Variants in AEBP2 observed in about 807,000 individuals in gnomAD.
AEBP2 encodes the protein AE binding protein 2, also known as zinc finger protein AEBP2.
In AEBP2, 10 loss-of-function variants were observed where a neutral mutation model predicts 50.8. The observed-to-expected ratio is 0.20, with a 90% CI of 0.12 to 0.33. The LOEUF (loss-of-function observed/expected upper bound fraction) is 0.33, where lower values mean the gene tolerates loss of function less well. Among genes scored for constraint, AEBP2 ranks in the 10% least tolerant of loss-of-function variants. AEBP2 has a pLI of 1.00. For missense variants in AEBP2, 570 were observed against 688.0 expected (o/e 0.83, Z 1.92); for synonymous variants, 296 against 261.3 (o/e 1.13, Z -1.28).
intron 1 of AEBP2, among the ~76,000 whole-genome samples, chr12:19,448,686 T>C (rs1948116528): frequency 1.3e-5 from 2 of 152,164 alleles, no homozygotes; most frequent in African/African-American, 4.8e-5. Context: ...TTTTTTGTTT[T>C]GTTTGTACTT....
At chr12:19,427,470 G>A (rs1214751725) in intron 1 of AEBP2, among the ~76,000 whole-genome samples, 1 of 151,002 alleles carries the variant, frequency 6.6e-6, no homozygotes, top group Non-Finnish European at 1.5e-5. Context: ...TGAAACTTCT[G>A]GTTTAGACTC....
chr12:19,458,909 A>G (rs1453782429), intron 1 of AEBP2, among the ~76,000 whole-genome samples: 1 of 152,144 alleles, frequency 6.6e-6, no homozygotes, highest in Admixed American at 6.5e-5. Flanking sequence ...GCCCTTGGAG[A>G]CTAGCTATGT....
chr12:19,428,269 T>G (rs2095749590), intron 1 of AEBP2, among the ~76,000 whole-genome samples: 1 of 152,082 alleles, frequency 6.6e-6, no homozygotes, highest in South Asian at 2.1e-4. Context: ...GATAAAAGAT[T>G]TCTTTCTCCC....
chr12:19,444,743 C>A (rs1420014815), intron 1 of AEBP2, among the ~76,000 whole-genome samples: 2 of 152,204 alleles, frequency 1.3e-5, no homozygotes, highest in Non-Finnish European at 2.9e-5. Context: ...ATGCGTGCAT[C>A]TTTTCTGTTG....
At chr12:19,406,880 A>T (rs1040404066) in intron 1 of AEBP2, among the ~76,000 whole-genome samples, 1 of 152,254 alleles carries the variant, frequency 6.6e-6, no homozygotes, top group South Asian at 2.1e-4. Flanking sequence ...TTTGTGAAGG[A>T]TGTAAGGTCT....
intron 1 of AEBP2, among the ~76,000 whole-genome samples, chr12:19,443,104 T>C (rs1235785766): frequency 9.9e-4 from 4 of 4,054 alleles, no homozygotes; most frequent in Non-Finnish European, 1.9e-3. Context: ...TATCTTTTTC[T>C]TTTTTTTTTT....
chr12:19,437,823 T>C (rs1445555113), upstream of AEBP2, among the ~76,000 whole-genome samples: 1 of 152,238 alleles, frequency 6.6e-6, no homozygotes, highest in Non-Finnish European at 1.5e-5. Context: ...CAACATTTTA[T>C]ATAACAGTTG....
chr12:19,456,258 T>C, intron 1 of AEBP2: 1 of 1,528,326 alleles, frequency 6.5e-7, no homozygotes, highest in South Asian at 1.1e-5. Flanking sequence ...TTTAGCCTTT[T>C]GAGCTTTCTG....
intron 4 of AEBP2, among the ~76,000 whole-genome samples, chr12:19,497,873 C>G (rs1406205268): frequency 1.3e-5 from 2 of 152,182 alleles, no homozygotes; most frequent in Non-Finnish European, 2.9e-5. Context: ...AATACTACTA[C>G]TGCACATTAT....
At chr12:19,504,736 T>C (rs773050860) in intron 5 of AEBP2, among the ~76,000 whole-genome samples, 5 of 152,154 alleles carry the variant, frequency 3.3e-5, no homozygotes, top group Non-Finnish European at 7.3e-5. Flanking sequence ...GCCAATTTAT[T>C]GACAGCAAAT....
At chr12:19,491,371 A>C (rs2120434000) in intron 3 of AEBP2, among the ~76,000 whole-genome samples, 1 of 152,320 alleles carries the variant, frequency 6.6e-6, no homozygotes, top group East Asian at 1.9e-4. Flanking sequence ...AATTGCCTCT[A>C]TTCAGGGTTT....
At position 19,462,755 on chromosome 12, in the gene AEBP2, C is replaced by T. The variant is rs548807709; in HGVS notation, c.879+38C>T. The T allele has an allele frequency of 4.7e-5, 72 of 1,540,116 alleles. No individual in the cohort carries two copies. The Admixed American group carries it at 7.4e-4, about 16-fold the overall frequency. On this transcript the variant is annotated intron_variant, in intron 2 of 7. Transcript: ENST00000266508. Reference sequence around the variant, plus strand: ...ATTTCTTTTTTTCGCTCCCTGTTTTCGTTAGTTTTATTAATTTATAATTGC... The same window carrying T: ...ATTTCTTTTTTTCGCTCCCTGTTTTTGTTAGTTTTATTAATTTATAATTGC...
rs980632422 is a variant in AEBP2, at chr12:19,511,084, A to G, written c.1300-1314A>G. Among the ~76,000 whole-genome samples, 3 of 151,882 alleles carry G rather than the reference A, an allele frequency of 2.0e-5. No homozygotes were observed. The East Asian group carries it at 5.8e-4, about 29-fold the overall frequency. On this transcript the variant is annotated intron_variant, in intron 5 of 7. Transcript: ENST00000266508. ...ACTCCTGGGCTCAGGTGATCCTCCC[A>G]CCTTGGCCTCCCAAGGTACTGGTAT...
chr12:19,410,412 G>C (rs2095738662), intron 1 of AEBP2, among the ~76,000 whole-genome samples: 1 of 152,160 alleles, frequency 6.6e-6, no homozygotes, highest in African/African-American at 2.4e-5. Context: ...TAAATCCACA[G>C]AGAGTAGGGA....
intron 3 of AEBP2, among the ~76,000 whole-genome samples, chr12:19,488,653 C>G (rs1428671240): frequency 6.6e-6 from 1 of 152,042 alleles, no homozygotes; most frequent in Non-Finnish European, 1.5e-5. Context: ...AGAAGGACTT[C>G]TGGGAATATG....
chr12:19,504,198 A>G (rs765356864), intron 5 of AEBP2, among the ~76,000 whole-genome samples: 6 of 151,668 alleles, frequency 4.0e-5, no homozygotes, highest in Middle Eastern at 3.4e-3. Context: ...CTAGGAACTA[A>G]AAAGGTTGTA....
In AEBP2 at chr12:19,500,167, C is replaced by T. The variant is rs1233293658; in HGVS notation, c.1245C>T (p.Leu415=). The T allele has an allele frequency of 6.3e-7, 1 of 1,599,198 alleles. No individual in the cohort carries two copies. The highest frequency in any genetic ancestry group is 8.5e-7 in the Non-Finnish European group (1 of 1,172,688). The change falls in exon 5 of 8, where the codon CTC becomes CTT. Residue 415 remains leucine, a synonymous_variant. Transcript: ENST00000266508. The stretch of plus-strand genomic sequence containing the variant: ...GACATCGAGCCATATGCTTTAACCT[C>T]TCAGCTCATATAGAAAGTTTAGGGA... ...AIRHRAICFN[L]SAHIESLGKG...
At chr12:19,496,184 A>G (rs1052304067) in intron 4 of AEBP2, among the ~76,000 whole-genome samples, 1 of 152,188 alleles carries the variant, frequency 6.6e-6, no homozygotes, top group African/African-American at 2.4e-5. Context: ...GAGAAGAGAG[A>G]TTCAGTTAAA....
At chr12:19,408,937 TA>T (rs1467726589) in intron 1 of AEBP2, among the ~76,000 whole-genome samples, 1 of 151,796 alleles carries the variant, frequency 6.6e-6, no homozygotes, top group African/African-American at 2.4e-5. Context: ...AAAGTAAAAA[TA>T]AATAAAGCAA....
Sources: gnomAD v4.1 joint callset for allele counts (sites outside exome capture counted in the v4.1 genomes callset) on GRCh38, gnomAD v4.1.1 for gene constraint, MANE v1.5 for transcripts, NCBI Gene and HGNC (gene_info 2026-07-23, HGNC 2026-07-21) for gene names.